Variants in NLGN1 observed in about 807,000 individuals in gnomAD.
NLGN1 encodes the protein neuroligin-1.
A neutral mutation model predicts 65.5 loss-of-function variants in NLGN1; 12 were observed. The observed-to-expected ratio is 0.18, with a 90% confidence interval of 0.12 to 0.30. NLGN1 has a LOEUF of 0.30. NLGN1 is among the 10% of genes least tolerant of loss of function. The pLI, the probability that NLGN1 is intolerant of heterozygous loss-of-function variation, is 1.00. For synonymous variants in NLGN1, 350 were observed against 359.5 expected (o/e 0.97, Z 0.30); for missense variants, 750 against 1,007.1 (o/e 0.74, Z 3.46).
chr3:174,285,668 A>G (rs1752030438), exon 7 of NLGN1: 1 of 151,416 alleles, frequency 6.6e-6, no homozygotes, highest in African/African-American at 2.4e-5. Context: ...TTATTCTGGC[A>G]CGTTGCTGTA....
At chr3:173,927,835 A>C (rs1215651212) in intron 4 of NLGN1, among the ~76,000 whole-genome samples, 1 of 152,114 alleles carries the variant, frequency 6.6e-6, no homozygotes, top group Non-Finnish European at 1.5e-5. Context: ...CTTCCTTCTG[A>C]ACCCGAGAGC....
intron 3 of NLGN1, among the ~76,000 whole-genome samples, chr3:173,642,832 A>C (rs1412128993): frequency 6.6e-6 from 1 of 152,242 alleles, no homozygotes; most frequent in Non-Finnish European, 1.5e-5. Flanking sequence ...AGTATGCAAA[A>C]AAAGTACTTA....
intron 2 of NLGN1, among the ~76,000 whole-genome samples, chr3:173,464,259 A>G (rs1723895857): frequency 1.3e-5 from 2 of 152,144 alleles, no homozygotes; most frequent in Non-Finnish European, 2.9e-5. Context: ...CTCTAATTTT[A>G]TAGATGTGGA....
At chr3:174,203,998 A>G (rs1734980923) in intron 4 of NLGN1, among the ~76,000 whole-genome samples, 1 of 152,170 alleles carries the variant, frequency 6.6e-6, no homozygotes, top group Non-Finnish European at 1.5e-5. Flanking sequence ...CATTAATATT[A>G]ACAGTTTTAA....
intron 2 of NLGN1, among the ~76,000 whole-genome samples, chr3:173,590,885 A>C (rs1309005933): frequency 6.6e-6 from 1 of 152,174 alleles, no homozygotes; most frequent in Non-Finnish European, 1.5e-5. Flanking sequence ...TATTTGATCA[A>C]GACTTACAAG....
intron 3 of NLGN1, among the ~76,000 whole-genome samples, chr3:173,683,898 C>T (rs1420092618): frequency 1.3e-5 from 2 of 152,070 alleles, no homozygotes; most frequent in Non-Finnish European, 2.9e-5. Flanking sequence ...AAGTCACATG[C>T]TGGGAAATGG....
In NLGN1 at chr3:173,675,778, C is replaced by A. The variant is rs1269511074; in HGVS notation, c.493+70687C>A. Among the ~76,000 whole-genome samples the A allele has an allele frequency of 3.3e-5, 5 of 151,632 alleles. No individual in the cohort carries two copies. The East Asian group carries it at 7.8e-4, about 24-fold the overall frequency. ...GAACTGTTTTGTATCTTGACTCTTG[C>A]GGTGGACACATGAGCCTGACTATGT... is the stretch of plus-strand genomic sequence containing the variant. On this transcript the variant is annotated intron_variant, in intron 3 of 6. Coordinates refer to ENST00000457714, the Ensembl canonical transcript of NLGN1.
chr3:173,551,795 A>G (rs1340483162), intron 2 of NLGN1, among the ~76,000 whole-genome samples: 1 of 152,098 alleles, frequency 6.6e-6, no homozygotes, highest in Non-Finnish European at 1.5e-5. Flanking sequence ...ACATCTCTGA[A>G]CTTACGTTTT....
chr3:174,150,687 A>G (rs1214112888), intron 4 of NLGN1, among the ~76,000 whole-genome samples: 2 of 152,130 alleles, frequency 1.3e-5, no homozygotes, highest in African/African-American at 4.8e-5. Context: ...GGTCATACCC[A>G]TTATCTAGCA....
chr3:173,842,870 G>A (rs1238503320), intron 4 of NLGN1, among the ~76,000 whole-genome samples: 2 of 152,178 alleles, frequency 1.3e-5, no homozygotes, highest in Admixed American at 6.5e-5. Context: ...GCTCCACTAG[G>A]CAGTGCCCTA....
intron 4 of NLGN1, among the ~76,000 whole-genome samples, chr3:174,102,492 A>G (rs1223311192): frequency 1.3e-5 from 2 of 152,172 alleles, no homozygotes; most frequent in African/African-American, 4.8e-5. Context: ...AGATAACACA[A>G]TCAACCTTTC....
At chr3:174,136,695 C>T (rs1421812926) in intron 4 of NLGN1, 3 of 152,042 alleles carry the variant, frequency 2.0e-5, no homozygotes, top group African/African-American at 7.2e-5. Context: ...CCCAGGTAGG[C>T]CTGCAGACAT....
At chr3:174,046,467 G>A (rs1030286909) in intron 4 of NLGN1, among the ~76,000 whole-genome samples, 3 of 151,888 alleles carry the variant, frequency 2.0e-5, no homozygotes, top group Non-Finnish European at 4.4e-5. Context: ...AGAGCTTCTG[G>A]GATTTGCTCT....
chr3:173,974,637 A>T (rs566528944), intron 4 of NLGN1, among the ~76,000 whole-genome samples: 6 of 152,152 alleles, frequency 3.9e-5, no homozygotes, highest in African/African-American at 1.4e-4. Context: ...GGAAGAAGTG[A>T]TTACTTTTGG....
intron 2 of NLGN1, among the ~76,000 whole-genome samples, chr3:173,518,088 T>C (rs1734144367): frequency 6.6e-6 from 1 of 152,208 alleles, no homozygotes. Flanking sequence ...CATCAGAAAC[T>C]GTACTACTGG....
intron 2 of NLGN1, among the ~76,000 whole-genome samples, chr3:173,461,605 A>G (rs1372661055): frequency 1.3e-5 from 2 of 152,182 alleles, no homozygotes; most frequent in Non-Finnish European, 2.9e-5. Context: ...GTCAACATCA[A>G]TACCACTAAC....
chr3:173,870,471 A>T (rs1234539962), intron 4 of NLGN1, among the ~76,000 whole-genome samples: 1 of 152,166 alleles, frequency 6.6e-6, no homozygotes. Flanking sequence ...TTAGATAACA[A>T]ATTTATCGCC....
chr3:173,799,610 A>G lies in NLGN1; in HGVS notation c.494-8070A>G, dbSNP rs180949695. Among the ~76,000 whole-genome samples, 93 of 152,078 alleles carry G rather than the reference A, an allele frequency of 6.1e-4. No individual in the cohort carries two copies. In the East Asian group the frequency reaches 0.018, roughly 29 times the overall value. The stretch of plus-strand genomic sequence containing the variant: ...CTAAACACTGACTTCTACTGATCGA[A>G]CTTTTGCTCTGCTGAGTGATGAGAC... On this transcript the variant is annotated intron_variant, in intron 3 of 6. Transcript: ENST00000457714.
chr3:174,025,260 T>C (rs1380953583), intron 4 of NLGN1, among the ~76,000 whole-genome samples: 2 of 152,206 alleles, frequency 1.3e-5, no homozygotes, highest in Non-Finnish European at 2.9e-5. Flanking sequence ...GTATCTAGCT[T>C]GTAATCTTTT....
Sources: gnomAD v4.1 joint callset for allele counts (sites outside exome capture counted in the v4.1 genomes callset) on GRCh38, gnomAD v4.1.1 for gene constraint, MANE v1.5 for transcripts, NCBI Gene and HGNC (gene_info 2026-07-23, HGNC 2026-07-21) for gene names.